Variants in FRMPD1 observed in about 807,000 individuals in gnomAD.
The protein encoded by FRMPD1 is FERM and PDZ domain-containing protein 1.
Under a neutral mutation model 117.8 loss-of-function variants are expected in FRMPD1, and 76 were observed. The observed-to-expected ratio is 0.65, with a 90% CI of 0.54 to 0.78. The LOEUF (loss-of-function observed/expected upper bound fraction) is 0.78, where lower values mean the gene tolerates loss of function less well. Ranked by LOEUF, FRMPD1 falls within the 30% of genes least tolerant of loss-of-function variation. The pLI, the probability that FRMPD1 is intolerant of heterozygous loss-of-function variation, is 0.00. For missense variants in FRMPD1, 1,786 were observed against 1,964.5 expected, an observed-to-expected ratio of 0.91 and a Z score of 1.72; for synonymous variants, 783 against 770.4, an observed-to-expected ratio of 1.02 and a Z score of -0.27.
At chr9:37,652,767 A>T (rs1183766333) in intron 1 of FRMPD1, among the ~76,000 whole-genome samples, 2 of 152,216 alleles carry the variant, frequency 1.3e-5, no homozygotes, top group African/African-American at 4.8e-5. Context: ...GAGAGGACAC[A>T]AACATGAAAA....
At chr9:37,605,976 G>A in the FRMPD1 span, among the ~76,000 whole-genome samples, 16 of 152,138 alleles carry the variant, frequency 1.1e-4, no homozygotes, top group African/African-American at 3.9e-4. Flanking sequence ...CACATAGCTG[G>A]GATTACAGGC....
At chr9:37,639,265 A>G in the FRMPD1 span, among the ~76,000 whole-genome samples, 1 of 152,298 alleles carries the variant, frequency 6.6e-6, no homozygotes, top group South Asian at 2.1e-4. Context: ...CACAGCGACT[A>G]ACAAAAACTC....
intron 10 of FRMPD1, among the ~76,000 whole-genome samples, 165 bp from the exon 11 acceptor site, chr9:37,733,308 A>T (rs979804303): frequency 6.6e-6 from 1 of 151,864 alleles, no homozygotes; most frequent in Non-Finnish European, 1.5e-5. Flanking sequence ...TTTTGTGGAG[A>T]GTGTGTGTAT....
At chr9:37,613,717 G>A in the FRMPD1 span, among the ~76,000 whole-genome samples, 2 of 152,114 alleles carry the variant, frequency 1.3e-5, no homozygotes, top group African/African-American at 4.8e-5. Flanking sequence ...TCTTCTCTTG[G>A]CTCCTATGTA....
intron 6 of FRMPD1, among the ~76,000 whole-genome samples, chr9:37,719,875 G>A (rs1326964419): frequency 6.6e-6 from 1 of 152,206 alleles, no homozygotes; most frequent in East Asian, 1.9e-4. Flanking sequence ...TTAATGTGGA[G>A]TGTTGGATAA....
At chr9:37,707,186 G>A (rs1265916549) in intron 2 of FRMPD1, among the ~76,000 whole-genome samples, 5 of 152,124 alleles carry the variant, frequency 3.3e-5, no homozygotes, top group African/African-American at 7.2e-5. Flanking sequence ...CTTCCTGGGC[G>A]CTTTCTAGAT....
intron 1 of FRMPD1, among the ~76,000 whole-genome samples, 169 bp from the exon 2 acceptor site, chr9:37,692,469 C>G (rs1239302174): frequency 2.0e-5 from 3 of 152,222 alleles, no homozygotes; most frequent in Non-Finnish European, 2.9e-5. Flanking sequence ...GTTGTTCACT[C>G]TGTGAACATT....
At chr9:37,623,789 A>G in the FRMPD1 span, among the ~76,000 whole-genome samples, 1 of 152,228 alleles carries the variant, frequency 6.6e-6, no homozygotes, top group African/African-American at 2.4e-5. Flanking sequence ...TAAGACCATC[A>G]CAAAAGTTCA....
At chr9:37,636,856 G>C in the FRMPD1 span, 10 of 1,611,266 alleles carry the variant, frequency 6.2e-6, no homozygotes, top group African/African-American at 2.7e-5. Flanking sequence ...TCTCCAAGAA[G>C]GGGATGCCCA....
chr9:37,672,155 T>TA (rs1331836142), intron 1 of FRMPD1, among the ~76,000 whole-genome samples: 3 of 152,202 alleles, frequency 2.0e-5, no homozygotes, highest in Non-Finnish European at 4.4e-5. Context: ...ATGAATATAC[T>TA]AAAAACCATT....
In FRMPD1 at chr9:37,745,359, T is replaced by G; in HGVS notation, c.3327T>G (p.Ser1109=). 6.2e-7 allele frequency: 1 copy of G among 1,613,922 alleles called. No homozygotes were observed. Among genetic ancestry groups the G allele is most frequent in the Non-Finnish European group, 8.5e-7 (1 of 1,179,822 alleles). ...PTKEEPQGQL[S]LERDREVTNK... ...AGGAAGAGCCACAAGGACAACTATC[T>G]CTGGAAAGAGACAGAGAAGTTACAA... Residue 1109 remains serine (S), a synonymous_variant, in exon 16 of 16, where the codon TCT becomes TCG. Coordinates refer to ENST00000377765, the MANE Select transcript of FRMPD1 (RefSeq NM_014907.3).
intron 2 of FRMPD1, among the ~76,000 whole-genome samples, chr9:37,698,410 A>G (rs1188960457): frequency 6.6e-6 from 1 of 151,898 alleles, no homozygotes; most frequent in Non-Finnish European, 1.5e-5. Context: ...CCTTTATTGT[A>G]TGTGAAATTC....
At chr9:37,611,960 G>T in the FRMPD1 span, among the ~76,000 whole-genome samples, 1 of 152,162 alleles carries the variant, frequency 6.6e-6, no homozygotes, top group Non-Finnish European at 1.5e-5. Flanking sequence ...ATTCCCAGTG[G>T]ATCAGCCTGG....
chr9:37,619,834 G>C, the FRMPD1 span, among the ~76,000 whole-genome samples: 3 of 151,830 alleles, frequency 2.0e-5, no homozygotes, highest in African/African-American at 7.3e-5. Context: ...TATAGTCTTG[G>C]TGGATTAGCT....
At chr9:37,626,622 G>GGAAAAAAAAAAAAAAAAA in the FRMPD1 span, among the ~76,000 whole-genome samples, 2 of 48,634 alleles carry the variant, frequency 4.1e-5, no homozygotes, top group Non-Finnish European at 7.8e-5. Context: ...CCTGGTATCT[G>GGAAAAAAAAAAAAAAAAA]AAAAAAAAAA....
At chr9:37,689,533 A>C (rs150290549) in intron 1 of FRMPD1, among the ~76,000 whole-genome samples, 1 of 152,184 alleles carries the variant, frequency 6.6e-6, no homozygotes, top group African/African-American at 2.4e-5. Context: ...GCATCTCAAC[A>C]GTTGCTCTCT....
Position 37,744,801 on chromosome 9 carries a change from G to A in FRMPD1, c.2769G>A (p.Met923Ile), listed in dbSNP as rs765643060. 1 of 1,614,182 alleles carries A rather than the reference G, an allele frequency of 6.2e-7. No individual in the cohort carries two copies. Among genetic ancestry groups the A allele is most frequent in the Non-Finnish European group, 8.5e-7 (1 of 1,180,020 alleles). ...STNPASRVME[M>I]EPETMETKSV... ...ACCCAGCCTCCAGGGTCATGGAGAT[G>A]GAGCCCGAGACCATGGAAACCAAAT... Residue 923 changes from methionine (M) to isoleucine (I), a missense_variant, in exon 16 of 16, where the codon ATG (methionine) becomes ATA (isoleucine). Coordinates refer to ENST00000377765, the MANE Select transcript of FRMPD1 (RefSeq NM_014907.3).
At chr9:37,612,018 C>T in the FRMPD1 span, among the ~76,000 whole-genome samples, 2 of 152,158 alleles carry the variant, frequency 1.3e-5, no homozygotes, top group East Asian at 3.8e-4. Context: ...GTGGTTCTTT[C>T]CTCCACTCAG....
intron 1 of FRMPD1, among the ~76,000 whole-genome samples, chr9:37,672,670 C>T (rs1821393974): frequency 6.6e-6 from 1 of 152,024 alleles, no homozygotes; most frequent in Non-Finnish European, 1.5e-5. Context: ...TCTGTTTTCA[C>T]CCTGCTGATA....
Sources: allele counts gnomAD v4.1 joint callset (sites outside exome capture counted in the v4.1 genomes callset), GRCh38; gene constraint gnomAD v4.1.1; transcripts MANE v1.5; gene names NCBI Gene and HGNC (gene_info 2026-07-23, HGNC 2026-07-21).